Variants in HERC2 observed in about 807,000 individuals in gnomAD.
The protein encoded by HERC2 is E3 ubiquitin-protein ligase HERC2.
Under a neutral mutation model 537.7 loss-of-function variants are expected in HERC2, and 102 were observed. The observed-to-expected ratio is 0.19, with a 90% CI of 0.16 to 0.22. The LOEUF is 0.22. HERC2 is among the 10% of genes least tolerant of loss of function. The pLI is 1.00. For synonymous variants in HERC2, 2,224 were observed against 2,466.2 expected, an observed-to-expected ratio of 0.90 and a Z score of 2.91; for missense variants, 4,236 against 6,198.2, an observed-to-expected ratio of 0.68 and a Z score of 10.63.
chr15:28,241,312 A>C (rs1185611287), intron 23 of HERC2, among the ~76,000 whole-genome samples: 2 of 152,070 alleles, frequency 1.3e-5, no homozygotes, highest in African/African-American at 4.8e-5. Flanking sequence ...CACAAATCAA[A>C]ACCACAATGA....
At chr15:28,273,083 C>T (rs71467328) in intron 7 of HERC2, 79 bp from the exon 8 acceptor site, 33,252 of 959,292 alleles carry the variant, frequency 0.035, 756 homozygotes, top group Non-Finnish European at 0.045. Context: ...AACACATTTA[C>T]TACACGCTCC....
chr15:28,224,283 T>A (rs1269466227), intron 35 of HERC2, among the ~76,000 whole-genome samples: 2 of 151,500 alleles, frequency 1.3e-5, no homozygotes, highest in Non-Finnish European at 2.9e-5. Context: ...GTGCAGTGGC[T>A]TTATCTCCGC....
At chr15:28,213,637 T>C (rs1243327192) in intron 42 of HERC2, 105 bp downstream of exon 42, 1 of 1,567,678 alleles carries the variant, frequency 6.4e-7, no homozygotes, top group Non-Finnish European at 8.6e-7. Context: ...GAAGGCAAAC[T>C]TCAAGTACCA....
intron 69 of HERC2, among the ~76,000 whole-genome samples, chr15:28,156,143 C>A (rs569566769): frequency 6.6e-6 from 1 of 152,246 alleles, no homozygotes; most frequent in South Asian, 2.1e-4. Flanking sequence ...GGTACCAGTA[C>A]CATGCTGTTT....
At chr15:28,235,058 G>C (rs895878859) in intron 26 of HERC2, among the ~76,000 whole-genome samples, 2 of 152,072 alleles carry the variant, frequency 1.3e-5, no homozygotes, top group African/African-American at 4.8e-5. Flanking sequence ...ACTTGAGGGA[G>C]TGCACCACTA....
At chr15:28,285,780 C>A (rs1273946425) in intron 4 of HERC2, among the ~76,000 whole-genome samples, 1 of 132,692 alleles carries the variant, frequency 7.5e-6, no homozygotes. Flanking sequence ...ATAAAACTGA[C>A]AAACCTCTCT....
chr15:28,188,403 G>A (rs1043701346), intron 55 of HERC2, among the ~76,000 whole-genome samples: 1 of 152,234 alleles, frequency 6.6e-6, no homozygotes, highest in East Asian at 1.9e-4. Context: ...AATTAGCCAG[G>A]CATGGTGGCA....
Position 28,268,429 on chromosome 15 carries a change from G to A in HERC2, c.1598+36C>T, listed in dbSNP as rs761000326. 1.8e-5 allele frequency: 28 copies of A among 1,590,946 alleles called. No individual in the cohort carries two copies. Among genetic ancestry groups the A allele is most frequent in the Non-Finnish European group, 2.4e-5 (28 of 1,164,214 alleles). On this transcript the variant is annotated intron_variant, in intron 12 of 92. Coordinates refer to ENST00000261609, the MANE Select transcript of HERC2 (RefSeq NM_004667.6). This position sits in a 1 kb window ranked among gnomAD's most constrained non-coding sequence, Gnocchi z 4.7. ...TGTTTAGGATATGGCAACATAAAAG[G>A]AGAGTGTGTCCCCTACAGGAATAAG...
chr15:28,215,526 T>A (rs1899797268), intron 39 of HERC2, 95 bp downstream of exon 39: 35 of 998,258 alleles, frequency 3.5e-5, no homozygotes, highest in Non-Finnish European at 4.5e-5. Context: ...CTTTCTGCAC[T>A]CGTTACTGAA....
chr15:28,300,162 C>A (rs569988698), intron 2 of HERC2, among the ~76,000 whole-genome samples: 1 of 151,494 alleles, frequency 6.6e-6, no homozygotes, highest in Non-Finnish European at 1.5e-5. Flanking sequence ...TGACTACCTA[C>A]GGGGAAATGG....
chr15:28,296,007 G>A (rs886936133), intron 3 of HERC2, among the ~76,000 whole-genome samples: 1 of 151,690 alleles, frequency 6.6e-6, no homozygotes, highest in African/African-American at 2.4e-5. Flanking sequence ...CAAATTCTGA[G>A]ACCCTGTCTC....
chr15:28,146,232 C>A lies in HERC2; in HGVS notation c.11008+5G>T. On this transcript the variant is annotated splice_donor_5th_base_variant and intron_variant, in intron 71 of 92. Coordinates refer to ENST00000261609, the MANE Select transcript of HERC2 (RefSeq NM_004667.6). Reference sequence around the variant, plus strand: ...ATCATGCCCTGCTCAACCTCCTGTCCTTACCTGACCGCACGGAGACGATCC... The same window carrying A: ...ATCATGCCCTGCTCAACCTCCTGTCATTACCTGACCGCACGGAGACGATCC... The A allele has an allele frequency of 6.2e-7, 1 of 1,610,038 alleles. No homozygotes were observed. The highest frequency in any genetic ancestry group is 1.3e-5 in the African/African-American group (1 of 74,900).
intron 52 of HERC2, among the ~76,000 whole-genome samples, chr15:28,194,460 C>T (rs1466825255): frequency 5.3e-5 from 8 of 151,384 alleles, no homozygotes; most frequent in Non-Finnish European, 5.9e-5. Context: ...GTCGCAGCTA[C>T]TCGGGAGGCT....
chr15:28,267,615 G>T (rs1326163006), intron 12 of HERC2, among the ~76,000 whole-genome samples: 1 of 152,190 alleles, frequency 6.6e-6, no homozygotes, highest in East Asian at 1.9e-4. Flanking sequence ...CACTGTCAGG[G>T]TTGGGCTGTT....
intron 69 of HERC2, among the ~76,000 whole-genome samples, chr15:28,153,075 C>T (rs1892619977): frequency 6.6e-6 from 1 of 152,202 alleles, no homozygotes. Context: ...TCGTTGGGGC[C>T]AGGCACGGTG....
rs1485386481 is a variant in HERC2, at chr15:28,196,124, C to T, written c.8260+91G>A. 7.7e-6 allele frequency: 10 copies of T among 1,305,920 alleles called. No homozygotes were observed. The Admixed American group carries it at 1.8e-4, about 24-fold the overall frequency. The allele number at this position is 1,305,920 out of a possible 1,614,324, so 80.9% of individuals were successfully genotyped here. A position where few individuals can be genotyped will look rare whatever the true frequency, so the allele number is the denominator to read the frequency against. ...TACAGAATTACTGTATACATAGGAA[C>T]CTTAAAATAACAAATTCCAATACAC... On this transcript the variant is annotated intron_variant, in intron 52 of 92. Coordinates refer to ENST00000261609, the MANE Select transcript of HERC2 (RefSeq NM_004667.6).
chr15:28,276,521 G>A (rs1355369658), intron 5 of HERC2, among the ~76,000 whole-genome samples: 7 of 152,130 alleles, frequency 4.6e-5, no homozygotes, highest in Admixed American at 4.6e-4. Flanking sequence ...AGTCACTTTA[G>A]GTCAGGAGTT....
At chr15:28,259,197 C>T (rs1008775109) in intron 16 of HERC2, among the ~76,000 whole-genome samples, 1 of 152,264 alleles carries the variant, frequency 6.6e-6, no homozygotes, top group South Asian at 2.1e-4. Context: ...CAGATTCAAG[C>T]GATTCTCCTG....
chr15:28,206,532 C>T (rs961761844), intron 44 of HERC2, 150 bp from the exon 45 acceptor site: 6 of 573,322 alleles, frequency 1.0e-5, no homozygotes, highest in East Asian at 3.3e-5. Flanking sequence ...GTTCAGACAT[C>T]GAACAAAAAC....
Sources: allele counts gnomAD v4.1 joint callset (sites outside exome capture counted in the v4.1 genomes callset), GRCh38; gene constraint gnomAD v4.1.1; non-coding constraint Gnocchi (gnomAD v3.1); transcripts MANE v1.5; gene names NCBI Gene and HGNC (gene_info 2026-07-23, HGNC 2026-07-21).